Variants in SH3BP2 observed in about 807,000 individuals in gnomAD.
The protein encoded by SH3BP2 is SH3 domain binding protein 2.
A neutral mutation model predicts 56.2 loss-of-function variants in SH3BP2; 38 were observed. The ratio of observed to expected loss-of-function variants is 0.68; its 90% CI spans 0.52 to 0.89. The LOEUF (loss-of-function observed/expected upper bound fraction) is 0.89. SH3BP2 is among the 40% of genes least tolerant of loss of function. The pLI is 0.00. For synonymous variants in SH3BP2, 346 were observed against 316.7 expected (o/e 1.09, Z -0.98); for missense variants, 748 against 762.6 (o/e 0.98, Z 0.23).
chr4:2,820,034 C>T (rs1375080291), intron 1 of SH3BP2, among the ~76,000 whole-genome samples: 6 of 152,124 alleles, frequency 3.9e-5, no homozygotes, highest in African/African-American at 7.2e-5. Flanking sequence ...ATGGTGGTCA[C>T]GACCACTGCT....
intron 1 of SH3BP2, among the ~76,000 whole-genome samples, chr4:2,813,704 G>T (rs979209639): frequency 6.6e-6 from 1 of 152,222 alleles, no homozygotes; most frequent in East Asian, 1.9e-4. Context: ...ATATGCATGA[G>T]TGAGTGTGAT....
Position 2,833,964 on chromosome 4 carries a change from G to C in SH3BP2, c.*130G>C. 1.8e-6 allele frequency: 2 copies of C among 1,142,448 alleles called. No homozygotes were observed. Among genetic ancestry groups the C allele is most frequent in the Non-Finnish European group, 2.4e-6 (2 of 822,452 alleles). 70.8% of individuals were successfully genotyped at this position (1,142,448 alleles called of 1,614,324 possible). A position where few individuals can be genotyped will look rare whatever the true frequency, so the allele number is the denominator to read the frequency against. On this transcript the variant is annotated 3_prime_UTR_variant, in exon 13 of 13. Transcript: ENST00000503393. ...GTGCTTGCCTAGGGCCTCTGTGATG[G>C]ACATCTCGTAGGACCCAGCCAGTCT...
At chr4:2,807,538 G>A (rs541296654) in intron 1 of SH3BP2, among the ~76,000 whole-genome samples, 2 of 152,322 alleles carry the variant, frequency 1.3e-5, no homozygotes, top group East Asian at 1.9e-4. Flanking sequence ...AGAGAAGAGG[G>A]CAAGGTTCTA....
chr4:2,816,236 TC>T (rs987091404), intron 1 of SH3BP2, among the ~76,000 whole-genome samples: 1 of 152,072 alleles, frequency 6.6e-6, no homozygotes, highest in Non-Finnish European at 1.5e-5. Context: ...AATGGGGGTT[TC>T]ACCATGTTGG....
chr4:2,820,536 G>A, intron 1 of SH3BP2, 78 bp from the exon 2 acceptor site: 1 of 1,570,374 alleles, frequency 6.4e-7, no homozygotes, highest in Non-Finnish European at 8.8e-7. Flanking sequence ...GATCTTGGCA[G>A]TGTCCCCCTG....
intron 1 of SH3BP2, among the ~76,000 whole-genome samples, chr4:2,799,494 C>G (rs1327362264): frequency 6.6e-6 from 1 of 152,172 alleles, no homozygotes; most frequent in Non-Finnish European, 1.5e-5. Context: ...GTCGGGGTGG[C>G]TGTGCCTGCC....
rs921287321 is a variant in SH3BP2 at position 2,837,473 on chromosome 4, T to C, written c.*3639T>C. The C allele has an allele frequency of 7.2e-5, 11 of 152,088 alleles. 1 individual carries two copies. The highest frequency in any genetic ancestry group is 6.3e-3 in the Middle Eastern group (2 of 320). 9.4% of individuals were successfully genotyped at this position (152,088 alleles called of 1,614,324 possible). ...ACCTCAGGATGGGCGAGGGTGGGCA[T>C]TGGGGGAGAGGGGGACCTGGGACCT... On this transcript the variant is annotated 3_prime_UTR_variant, in exon 13 of 13. Transcript: ENST00000503393.
intron 1 of SH3BP2, chr4:2,798,997 C>G: frequency 1.0e-6 from 1 of 985,670 alleles, no homozygotes; most frequent in Non-Finnish European, 1.2e-6. Flanking sequence ...CTGCACGCAG[C>G]ACGGGGCCTG....
chr4:2,840,897 T>C lies in SH3BP2; in HGVS notation c.*7063T>C, dbSNP rs1178677556. ...TAAGGTTTACCAATAGGATTTTATA[T>C]TTTTGTCCATTGTGGTCTTGCTTAT... On this transcript the variant is annotated 3_prime_UTR_variant, in exon 13 of 13. Coordinates refer to ENST00000503393, the MANE Select transcript of SH3BP2 (RefSeq NM_001122681.2). 6.6e-6 allele frequency: 1 copy of C among 152,218 alleles called. No homozygotes were observed. Among genetic ancestry groups the C allele is most frequent in the Non-Finnish European group, 1.5e-5 (1 of 68,042 alleles). 9.4% of individuals were successfully genotyped at this position (152,218 alleles called of 1,614,324 possible). A position where few individuals can be genotyped will look rare whatever the true frequency, so the allele number is the denominator to read the frequency against.
At chr4:2,830,297 C>G in intron 8 of SH3BP2, 150 bp downstream of exon 8, 3 of 689,610 alleles carry the variant, frequency 4.4e-6, no homozygotes, top group Non-Finnish European at 7.2e-6. Context: ...CCGGTTGCCT[C>G]CAGTCCGCCT....
chr4:2,818,456 G>A (rs1724113216), intron 1 of SH3BP2: 2 of 911,960 alleles, frequency 2.2e-6, no homozygotes, highest in Non-Finnish European at 2.8e-6. Context: ...TCTGGACCCC[G>A]CACCCCGAGC....
At chr4:2,824,940 G>C (rs540220040) in intron 4 of SH3BP2, 186 bp from the exon 5 acceptor site, 1 of 685,544 alleles carries the variant, frequency 1.5e-6, no homozygotes, top group African/African-American at 1.8e-5. Context: ...GCCCACACAA[G>C]GAACATGCTG....
intron 1 of SH3BP2, among the ~76,000 whole-genome samples, chr4:2,800,556 C>A (rs542650087): frequency 1.3e-4 from 19 of 151,788 alleles, no homozygotes; most frequent in Admixed American, 1.1e-3. Flanking sequence ...ACCGCCCCCC[C>A]CCCGGGCTGA....
intron 2 of SH3BP2, among the ~76,000 whole-genome samples, chr4:2,821,159 A>G (rs1357898959): frequency 1.3e-5 from 2 of 152,170 alleles, no homozygotes; most frequent in Non-Finnish European, 2.9e-5. Flanking sequence ...CACAAGACCC[A>G]GGCTCTGGCC....
rs1410487484 is a variant in SH3BP2 at position 2,834,008 on chromosome 4, C to T, written c.*174C>T. The stretch of plus-strand genomic sequence containing the variant: ...CCAGTCTCATCCAGCAGGTTGGGTT[C>T]TAGGGCTGAACCAGGCGCCAGGCTC... On this transcript the variant is annotated 3_prime_UTR_variant, in exon 13 of 13. Coordinates refer to ENST00000503393, the MANE Select transcript of SH3BP2 (RefSeq NM_001122681.2). 3 of 780,470 alleles carry T rather than the reference C, an allele frequency of 3.8e-6. No individual in the cohort carries two copies. The highest frequency in any genetic ancestry group is 3.7e-5 in the South Asian group (2 of 54,168). 48.3% of individuals were successfully genotyped at this position (780,470 alleles called of 1,614,324 possible). A position where few individuals can be genotyped will look rare whatever the true frequency, so the allele number is the denominator to read the frequency against.
In SH3BP2 at chr4:2,824,594, C is replaced by G. The variant is rs767415274; in HGVS notation, c.240-19C>G. 1 of 1,600,006 alleles carries G rather than the reference C, an allele frequency of 6.2e-7. No homozygotes were observed. The highest frequency in any genetic ancestry group is 8.6e-7 in the Non-Finnish European group (1 of 1,168,814). ...TATAGCTGTGAACCAGGCCGTGACC[C>G]CTGGCGCTGTGCCCCCAGGGTGATG... is the stretch of plus-strand genomic sequence containing the variant. On this transcript the variant is annotated intron_variant, in intron 3 of 12. Transcript: ENST00000503393.
chr4:2,808,673 C>T (rs754805462), intron 1 of SH3BP2, among the ~76,000 whole-genome samples: 11 of 152,060 alleles, frequency 7.2e-5, no homozygotes, highest in African/African-American at 2.4e-4. Flanking sequence ...GGCTGTGGAG[C>T]GGACCCAGGC....
At chr4:2,827,572 G>A (rs776066689) in intron 6 of SH3BP2, 34 bp from the exon 7 acceptor site, 12 of 1,566,704 alleles carry the variant, frequency 7.7e-6, no homozygotes, top group East Asian at 2.4e-5. Context: ...GCCTGGGCCG[G>A]TTTGGCTCTC....
intron 3 of SH3BP2, 99 bp downstream of exon 3, chr4:2,823,136 A>G (rs1191284408): frequency 5.6e-6 from 5 of 889,786 alleles, no homozygotes; most frequent in Non-Finnish European, 9.2e-6. Context: ...CCGCCCAAGG[A>G]AAGTGCTTTC....
Sources: gnomAD v4.1 joint callset for allele counts (sites outside exome capture counted in the v4.1 genomes callset) on GRCh38, gnomAD v4.1.1 for gene constraint, MANE v1.5 for transcripts, NCBI Gene and HGNC (gene_info 2026-07-23, HGNC 2026-07-21) for gene names.